TRPM5: variants seen among roughly 807,000 people sequenced by gnomAD.
The protein encoded by TRPM5 is MLSN1 and TRP-related.
TRPM5 carries 121 observed loss-of-function variants against 124.9 expected under a neutral mutation model. That is an observed-to-expected ratio of 0.97 (90% CI 0.84 to 1.13). TRPM5 has a LOEUF of 1.13. TRPM5 is among the 50% of genes most tolerant of loss of function. The pLI is 0.00. For missense variants in TRPM5, 1,643 were observed against 1,589.1 expected (o/e 1.03, Z -0.58); for synonymous variants, 781 against 700.5 (o/e 1.11, Z -1.81).
exon 13 of TRPM5, chr11:2,413,542 G>C: frequency 6.2e-7 from 1 of 1,612,552 alleles, no homozygotes; most frequent in Non-Finnish European, 8.5e-7. Flanking sequence ...CCGCAGGATG[G>C]GCGTGCCTGC....
At chr11:2,427,885 G>A (rs549272154), upstream of TRPM5, among the ~76,000 whole-genome samples, 4 of 152,320 alleles carry the variant, frequency 2.6e-5, no homozygotes, top group East Asian at 7.7e-4. Flanking sequence ...GAGGCAGAGG[G>A]ACTGTCTCCT....
At chr11:2,407,150 C>T (rs1297329117) in exon 20 of TRPM5, 3 of 1,608,944 alleles carry the variant, frequency 1.9e-6, no homozygotes, top group Admixed American at 1.7e-5. Context: ...CAGCCTCCTT[C>T]TTGAAGACCC....
downstream of TRPM5, among the ~76,000 whole-genome samples, chr11:2,404,134 A>G (rs1375301961): frequency 6.6e-6 from 1 of 152,174 alleles, no homozygotes; most frequent in African/African-American, 2.4e-5. Context: ...CAAAGCCCAC[A>G]TGATGCCATC....
rs1243221901 is a variant in TRPM5 at position 2,412,480 on chromosome 11, G to C, written c.2356-227C>G. On this transcript the variant is annotated intron_variant, in intron 15 of 23. Coordinates refer to ENST00000155858, the Ensembl canonical transcript of TRPM5. ...GGGCCTCTTTGTGCCCAGGGTCTAG[G>C]GATCAGTTTATGCAGTGTCTGGACT... 2.0e-5 allele frequency among the ~76,000 whole-genome samples: 3 copies of C among 152,232 alleles called. No individual in the cohort carries two copies. The East Asian group carries it at 5.8e-4, about 29-fold the overall frequency.
chr11:2,437,831 C>T, the TRPM5 span, among the ~76,000 whole-genome samples: 3 of 151,992 alleles, frequency 2.0e-5, no homozygotes, highest in East Asian at 1.9e-4. This position sits in a 1 kb window ranked among gnomAD's most constrained non-coding sequence, Gnocchi z 5.6. Context: ...TATGAGCATG[C>T]GGGGGCAGGT....
In TRPM5 at chr11:2,414,041, C is replaced by G. The variant is rs563006496; in HGVS notation, c.1890+20G>C. Reference sequence around the variant, plus strand: ...CACCCCACCCCCTGGCAGCTCTCCTCGAGGACAGCTGGCACTCACCTGAAC... The same window carrying G: ...CACCCCACCCCCTGGCAGCTCTCCTGGAGGACAGCTGGCACTCACCTGAAC... On this transcript the variant is annotated intron_variant, in intron 12 of 23. Transcript: ENST00000155858. The G allele has an allele frequency of 6.5e-7, 1 of 1,535,592 alleles. No individual in the cohort carries two copies. The highest frequency in any genetic ancestry group is 8.8e-7 in the Non-Finnish European group (1 of 1,137,138).
exon 5 of TRPM5, chr11:2,418,542 A>G (rs751774807): frequency 6.2e-7 from 1 of 1,611,474 alleles, no homozygotes; most frequent in South Asian, 1.1e-5. Flanking sequence ...AGGTGTTGGG[A>G]TCACCATTGA....
At chr11:2,441,731 C>G in the TRPM5 span, among the ~76,000 whole-genome samples, 3 of 152,178 alleles carry the variant, frequency 2.0e-5, no homozygotes, top group Middle Eastern at 6.8e-3. The surrounding 1 kb of genome is among the most constrained non-coding windows in gnomAD (Gnocchi z 7.2). Flanking sequence ...CTCTTGTCAC[C>G]CAGGCTGGAG....
exon 10 of TRPM5, chr11:2,415,038 G>A: frequency 6.2e-7 from 1 of 1,601,604 alleles, no homozygotes; most frequent in Non-Finnish European, 8.5e-7. Context: ...CGCTTGGCCG[G>A]GCCCTTCTCC....
At chr11:2,434,425 C>A in the TRPM5 span, among the ~76,000 whole-genome samples, 1 of 118,408 alleles carries the variant, frequency 8.4e-6, no homozygotes, top group Non-Finnish European at 1.8e-5. Flanking sequence ...GCACTGTGTG[C>A]GGACACTGTG....
intron 18 of TRPM5, 77 bp from the exon 24 acceptor site, chr11:2,407,989 A>T: frequency 6.4e-7 from 1 of 1,554,350 alleles, no homozygotes; most frequent in Non-Finnish European, 8.7e-7. Context: ...CCCGAGATAG[A>T]GCGCTGAGTC....
chr11:2,426,549 C>T (rs1045650681), upstream of TRPM5, among the ~76,000 whole-genome samples: 9 of 152,218 alleles, frequency 5.9e-5, no homozygotes, highest in African/African-American at 1.4e-4. Context: ...GCCCCCCAGA[C>T]GGTGAAGGCG....
intron 11 of TRPM5, 73 bp from the exon 17 acceptor site, chr11:2,414,279 C>G (rs1475304701): frequency 6.5e-7 from 1 of 1,528,806 alleles, no homozygotes; most frequent in African/African-American, 1.4e-5. Flanking sequence ...CCTCCTCCAT[C>G]CCCTGCCCAG....
At chr11:2,409,867 G>C (rs867342605) in intron 18 of TRPM5, among the ~76,000 whole-genome samples, 11 of 152,218 alleles carry the variant, frequency 7.2e-5, no homozygotes, top group Non-Finnish European at 2.9e-5. Context: ...AGCACTCGGA[G>C]CAGGGGCCCC....
At chr11:2,430,761 T>TTGGTGG in the TRPM5 span, among the ~76,000 whole-genome samples, 2 of 75,710 alleles carry the variant, frequency 2.6e-5, 1 homozygote, top group Non-Finnish European at 5.5e-5. Context: ...GGTGGTGGTT[T>TTGGTGG]TGGTGGTGGT....
rs927741416 is a variant in TRPM5 at position 2,420,417 on chromosome 11, C to T, written c.466-12G>A. ...ACAGGAAAATCCTCCTGCGCCCATG[C>T]AGGGAGACGAGGCTGAGCCCTCGAG... On this transcript the variant is annotated splice_polypyrimidine_tract_variant and intron_variant, in intron 3 of 23. Coordinates refer to ENST00000155858, the Ensembl canonical transcript of TRPM5. The T allele has an allele frequency of 1.3e-6, 2 of 1,595,442 alleles. No homozygotes were observed. Among genetic ancestry groups the T allele is most frequent in the Admixed American group, 3.4e-5 (2 of 59,204 alleles).
Position 2,407,108 on chromosome 11 carries a change from CTCGGCCTCACCCAGGTGCTCCCGCTT to C in TRPM5, c.3103_3118+10del. On this transcript the variant is annotated splice_donor_variant and splice_donor_5th_base_variant and coding_sequence_variant and intron_variant, in exon 20 of 24. Coordinates refer to ENST00000155858, the Ensembl canonical transcript of TRPM5. LOFTEE classifies it high-confidence loss of function. ...CCTCACCCAGGTGCTCCCGCTTGTG[CTCGGCCTCACCCAGGTGCTCCCGCTT>C]GTGCTCAGCCTCCTTCTTGAAGACC... 1 of 1,527,808 alleles carries C rather than the reference CTCGGCCTCACCCAGGTGCTCCCGCTT, an allele frequency of 6.5e-7. No individual in the cohort carries two copies. 94.6% of individuals were successfully genotyped at this position (1,527,808 alleles called of 1,614,324 possible).
rs1325830222 is a variant in TRPM5, at chr11:2,411,346, G to GC, written c.2782+5dup. The stretch of plus-strand genomic sequence containing the variant: ...CTGCCCCTGCCCCCGCTGGCTGTGT[G>GC]CAAACCATCAATCTCGTCCAGTGGG... On this transcript the variant is annotated splice_donor_region_variant and intron_variant, in intron 18 of 23. Transcript: ENST00000155858. The GC allele has an allele frequency of 3.2e-6, 5 of 1,586,226 alleles. No homozygotes were observed. The highest frequency in any genetic ancestry group is 1.3e-5 in the African/African-American group (1 of 74,344).
At chr11:2,406,245 G>C (rs1850321235) in intron 21 of TRPM5, 154 bp from the exon 27 acceptor site, 3 of 784,902 alleles carry the variant, frequency 3.8e-6, no homozygotes, top group South Asian at 1.6e-5. Flanking sequence ...GTGGCACCAG[G>C]ACCCCTCAAA....
Sources: allele counts gnomAD v4.1 joint callset (sites outside exome capture counted in the v4.1 genomes callset), GRCh38; gene constraint gnomAD v4.1.1; non-coding constraint Gnocchi (gnomAD v3.1); transcripts MANE v1.5; gene names NCBI Gene and HGNC (gene_info 2026-07-23, HGNC 2026-07-21).